Variants in ALDH8A1 observed in about 807,000 individuals in gnomAD.
ALDH8A1 encodes the protein 2-aminomuconic semialdehyde dehydrogenase.
In ALDH8A1, 39 loss-of-function variants were observed where a neutral mutation model predicts 43.3. The ratio of observed to expected loss-of-function variants is 0.90; its 90% CI spans 0.70 to 1.18. The LOEUF is 1.18. Ranked by LOEUF, ALDH8A1 falls within the 50% of genes most tolerant of loss-of-function variation. The pLI is 0.00. For missense variants in ALDH8A1, 605 were observed against 622.6 expected (o/e 0.97, Z 0.30); for synonymous variants, 233 against 243.5 (o/e 0.96, Z 0.40).
At chr6:134,935,449 G>A (rs1028438745) in intron 4 of ALDH8A1, among the ~76,000 whole-genome samples, 7 of 152,200 alleles carry the variant, frequency 4.6e-5, no homozygotes, top group African/African-American at 1.4e-4. Flanking sequence ...CTTAGTGTAC[G>A]TTATTCAAAT....
Position 134,930,146 on chromosome 6 carries a change from T to C in ALDH8A1, c.850-931A>G, listed in dbSNP as rs556314517. Among the ~76,000 whole-genome samples, 129 of 152,270 alleles carry C rather than the reference T, an allele frequency of 8.5e-4. 1 individual carries two copies. Among genetic ancestry groups the C allele is most frequent in the African/African-American group, 3.0e-3 (124 of 41,554 alleles). On this transcript the variant is annotated intron_variant, in intron 5 of 6. Transcript: ENST00000265605. ...CCTTAAAGACAGAACCAACAGGACC[T>C]GTCGATGGAAAGAGAGGGCAAGAAC...
At position 134,929,185 on chromosome 6, in the gene ALDH8A1, A is replaced by G. The variant is rs1396755218; in HGVS notation, c.880T>C (p.Phe294Leu). Reference sequence around the variant, plus strand: ...TCACTATAGATGCTCTTCTGGACAAAGATCCTGCTGGTACAGAGACAGATT... The same window carrying G: ...TCACTATAGATGCTCTTCTGGACAAGGATCCTGCTGGTACAGAGACAGATT... ...GEICLCTSRI[F>L]VQKSIYSEFL... The change falls in exon 6 of 7, where the codon TTT (phenylalanine) becomes CTT (leucine). Residue 294 changes from phenylalanine (F) to leucine (L), a missense_variant. Physicochemically the swap from Phe to Leu is conservative, Grantham distance 22. Transcript: ENST00000265605. 3 of 1,614,004 alleles carry G rather than the reference A, an allele frequency of 1.9e-6. No homozygotes were observed. Among genetic ancestry groups the G allele is most frequent in the African/African-American group, 1.3e-5 (1 of 74,938 alleles).
At chr6:134,942,318 C>T (rs1417045546) in intron 3 of ALDH8A1, 91 bp downstream of exon 3, 11 of 1,400,472 alleles carry the variant, frequency 7.9e-6, no homozygotes, top group Non-Finnish European at 1.0e-5. Flanking sequence ...TCTTCCTTTT[C>T]TTTAACCTGT....
chr6:134,936,009 A>C (rs576704291), intron 4 of ALDH8A1, among the ~76,000 whole-genome samples: 4 of 151,636 alleles, frequency 2.6e-5, no homozygotes, highest in African/African-American at 7.3e-5. Context: ...TGGAGTGCAA[A>C]GGCGCAATCT....
chr6:134,938,837 C>A lies in ALDH8A1; in HGVS notation c.592+429G>T, dbSNP rs987358320. Among the ~76,000 whole-genome samples the A allele has an allele frequency of 5.3e-5, 8 of 152,020 alleles. No individual in the cohort carries two copies. In the East Asian group the frequency reaches 1.6e-3, roughly 29 times the overall value. ...TAATTTTTTGTATTTTTAGTAGAGA[C>A]GGGGTTTCATCGTATTAGCCAGGAT... On this transcript the variant is annotated intron_variant, in intron 4 of 6. Coordinates refer to ENST00000265605, the MANE Select transcript of ALDH8A1 (RefSeq NM_022568.4).
Position 134,943,930 on chromosome 6 carries a change from G to C in ALDH8A1, c.175C>G (p.Pro59Ala). ...TGGGGGCTGCGGGATGACCAGCTGGGAAAGGCTTCTCTGGCGGCCTTGACC... is the reference window on the plus strand; with the variant it reads ...TGGGGGCTGCGGGATGACCAGCTGGCAAAGGCTTCTCTGGCGGCCTTGACC... The part of the protein sequence containing the change: ...AAVKAAREAF[P>A]SWSSRSPQER... Residue 59 changes from proline (P) to alanine (A), a missense_variant, in exon 2 of 7, where the codon CCC (proline) becomes GCC (alanine). Coordinates refer to ENST00000265605, the MANE Select transcript of ALDH8A1 (RefSeq NM_022568.4). 2 of 1,614,216 alleles carry C rather than the reference G, an allele frequency of 1.2e-6. No individual in the cohort carries two copies. Among genetic ancestry groups the C allele is most frequent in the Non-Finnish European group, 1.7e-6 (2 of 1,180,026 alleles).
intron 3 of ALDH8A1, chr6:134,942,203 G>C: frequency 1.8e-6 from 1 of 567,578 alleles, no homozygotes; most frequent in Non-Finnish European, 2.8e-6. Context: ...CTGGGCGACA[G>C]AGCAAGACGC....
chr6:134,933,371 A>T (rs1038909245), intron 4 of ALDH8A1, among the ~76,000 whole-genome samples: 1 of 152,210 alleles, frequency 6.6e-6, no homozygotes, highest in Admixed American at 6.5e-5. Flanking sequence ...CAGGCAGGTC[A>T]AGCCCACTAG....
chr6:134,945,847 C>T (rs7743183), intron 1 of ALDH8A1, among the ~76,000 whole-genome samples: 5,999 of 152,188 alleles, frequency 0.039, 402 homozygotes, highest in African/African-American at 0.14. Flanking sequence ...TGTGTCTCAA[C>T]CCAAATCTCA....
chr6:134,948,147 G>C (rs893055037), intron 1 of ALDH8A1, among the ~76,000 whole-genome samples: 6 of 152,102 alleles, frequency 3.9e-5, no homozygotes, highest in African/African-American at 1.4e-4. Context: ...AGTAAGCAAG[G>C]CACAAAAATA....
At chr6:134,926,443 T>C (rs1030208221) in intron 6 of ALDH8A1, among the ~76,000 whole-genome samples, 1 of 151,260 alleles carries the variant, frequency 6.6e-6, no homozygotes, top group East Asian at 2.0e-4. Context: ...TCAAATGATC[T>C]GCCCACCTCA....
At chr6:134,947,284 CAT>C (rs1773970493) in intron 1 of ALDH8A1, among the ~76,000 whole-genome samples, 1 of 152,068 alleles carries the variant, frequency 6.6e-6, no homozygotes, top group South Asian at 2.1e-4. Flanking sequence ...TATAAGAAAA[CAT>C]AGGGTAAATA....
At chr6:134,918,900 T>G in intron 6 of ALDH8A1, 33 bp from the exon 7 acceptor site, 1 of 1,596,382 alleles carries the variant, frequency 6.3e-7, no homozygotes, top group Non-Finnish European at 8.6e-7. Flanking sequence ...TAGCAATGTC[T>G]TACCATGTGG....
At chr6:134,930,884 G>A (rs1278133080) in intron 5 of ALDH8A1, among the ~76,000 whole-genome samples, 3 of 152,306 alleles carry the variant, frequency 2.0e-5, no homozygotes, top group East Asian at 3.9e-4. Context: ...CAGACACTGC[G>A]CAGGGTGCTT....
chr6:134,918,507 C>G lies in ALDH8A1; in HGVS notation c.1372G>C (p.Gly458Arg), dbSNP rs776026319. 1.2e-6 allele frequency: 2 copies of G among 1,614,158 alleles called. No homozygotes were observed. Among genetic ancestry groups the G allele is most frequent in the Non-Finnish European group, 8.5e-7 (1 of 1,180,034 alleles). Residue 458 changes from glycine to arginine, a missense_variant, in exon 7 of 7, where the codon GGG becomes CGG. By Grantham distance (125) the Gly-to-Arg change is moderately radical. Transcript: ENST00000265605. ...CCTATTCCAGAACTCTTCATCCCCC[C>G]GAAAGGAAGGTTCAGCTCCCTGATG... is the stretch of plus-strand genomic sequence containing the variant. ...WLIRELNLPFGGMKSSGIGRE... is the reference protein window; with the variant it reads ...WLIRELNLPFRGMKSSGIGRE...
chr6:134,939,475 C>T (rs1042418667), intron 3 of ALDH8A1, 60 bp from the exon 4 acceptor site: 6 of 1,557,304 alleles, frequency 3.9e-6, no homozygotes, highest in East Asian at 2.3e-5. Context: ...GTGGACTGGC[C>T]AAGTGGGGTT....
At chr6:134,938,971 T>G (rs896142889) in intron 4 of ALDH8A1, among the ~76,000 whole-genome samples, 2 of 152,144 alleles carry the variant, frequency 1.3e-5, no homozygotes, top group African/African-American at 4.8e-5. Context: ...TAATTGACTC[T>G]CTGGAGCAGG....
intron 6 of ALDH8A1, among the ~76,000 whole-genome samples, chr6:134,927,742 C>T (rs1465940382): frequency 6.6e-6 from 1 of 152,118 alleles, no homozygotes; most frequent in Admixed American, 6.5e-5. Flanking sequence ...ACTGCCTGAG[C>T]CTGCTGAAAG....
chr6:134,942,275 G>T (rs909657112), intron 3 of ALDH8A1, 134 bp downstream of exon 3: 10 of 1,119,168 alleles, frequency 8.9e-6, no homozygotes, highest in Non-Finnish European at 1.2e-5. Flanking sequence ...AGATCTTTGA[G>T]GCCAATGGAT....
Sources: allele counts gnomAD v4.1 joint callset (sites outside exome capture counted in the v4.1 genomes callset), GRCh38; gene constraint gnomAD v4.1.1; transcripts MANE v1.5; gene names NCBI Gene and HGNC (gene_info 2026-07-23, HGNC 2026-07-21).